Variants in UNC5D observed in about 807,000 individuals in gnomAD.
The protein encoded by UNC5D is netrin receptor UNC5D.
A neutral mutation model predicts 105.4 loss-of-function variants in UNC5D; 39 were observed. The observed-to-expected ratio is 0.37, with a 90% CI of 0.29 to 0.48. UNC5D has a LOEUF of 0.48. UNC5D is among the 20% of genes least tolerant of loss of function. The pLI, the probability that UNC5D is intolerant of heterozygous loss-of-function variation, is 0.98. For synonymous variants in UNC5D, 452 were observed against 450.4 expected (o/e 1.00, Z -0.04); for missense variants, 991 against 1,202.4 (o/e 0.82, Z 2.60).
At chr8:35,405,351 T>C (rs1001695164) in intron 1 of UNC5D, among the ~76,000 whole-genome samples, 1 of 152,224 alleles carries the variant, frequency 6.6e-6, no homozygotes, top group Non-Finnish European at 1.5e-5. Context: ...AATTAACATG[T>C]TGCATTTTTC....
Position 35,549,317 on chromosome 8 carries a change from C to G in UNC5D, c.129C>G (p.Pro43=), listed in dbSNP as rs1308108475. 5 of 1,613,162 alleles carry G rather than the reference C, an allele frequency of 3.1e-6. No individual in the cohort carries two copies. The highest frequency in any genetic ancestry group is 2.2e-5 in the South Asian group (2 of 91,046). The change falls in exon 2 of 17, where the codon CCC becomes CCG. Residue 43 remains proline (P), a synonymous_variant. Coordinates refer to ENST00000404895, the MANE Select transcript of UNC5D (RefSeq NM_080872.4). ...GAACTGACAATGGCGAAGCCCTTCCCGAATCCATCCCATCAGCTCCTGGGA... is the reference window on the plus strand; with the variant it reads ...GAACTGACAATGGCGAAGCCCTTCCGGAATCCATCCCATCAGCTCCTGGGA... ...ARGTDNGEAL[P]ESIPSAPGTL...
intron 16 of UNC5D, among the ~76,000 whole-genome samples, chr8:35,780,233 CA>C (rs1802441975): frequency 6.6e-6 from 1 of 152,194 alleles, no homozygotes; most frequent in Non-Finnish European, 1.5e-5. Flanking sequence ...GTTTCAAACA[CA>C]CTTCAGATTT....
At chr8:35,396,917 G>T (rs1265984897) in intron 1 of UNC5D, among the ~76,000 whole-genome samples, 2 of 150,078 alleles carry the variant, frequency 1.3e-5, no homozygotes, top group African/African-American at 2.5e-5. Context: ...TTTGTTTTTT[G>T]TTTTTTTGTT....
At chr8:35,326,114 A>C (rs944591428) in intron 1 of UNC5D, among the ~76,000 whole-genome samples, 1 of 152,228 alleles carries the variant, frequency 6.6e-6, no homozygotes, top group African/African-American at 2.4e-5. Flanking sequence ...TTCTCTTAAT[A>C]TAGATTAGCT....
At chr8:35,510,181 C>A (rs1318543851) in intron 1 of UNC5D, among the ~76,000 whole-genome samples, 1 of 151,964 alleles carries the variant, frequency 6.6e-6, no homozygotes, top group Non-Finnish European at 1.5e-5. Context: ...TCCCCCTTAC[C>A]TGGAGTTCAG....
At chr8:35,268,782 T>C (rs1805069753) in intron 1 of UNC5D, among the ~76,000 whole-genome samples, 1 of 152,168 alleles carries the variant, frequency 6.6e-6, no homozygotes, top group African/African-American at 2.4e-5. Context: ...ATACTGTTTA[T>C]CTCTGCCTTA....
chr8:35,676,776 A>T (rs918768436), intron 4 of UNC5D, among the ~76,000 whole-genome samples: 1 of 152,186 alleles, frequency 6.6e-6, no homozygotes, highest in Non-Finnish European at 1.5e-5. Context: ...TGATTTAGTG[A>T]AAGGAAATTA....
chr8:35,549,343 C>T lies in UNC5D; in HGVS notation c.155C>T (p.Thr52Ile). The T allele has an allele frequency of 1.9e-6, 3 of 1,613,548 alleles. No homozygotes were observed. Among genetic ancestry groups the T allele is most frequent in the Non-Finnish European group, 2.5e-6 (3 of 1,180,048 alleles). The change falls in exon 2 of 17, where the codon ACA (threonine) becomes ATA (isoleucine). Residue 52 changes from threonine (T) to isoleucine (I), a missense_variant. Physicochemically the swap from Thr to Ile is moderately conservative, Grantham distance 89. Coordinates refer to ENST00000404895, the MANE Select transcript of UNC5D (RefSeq NM_080872.4). ...GAATCCATCCCATCAGCTCCTGGGA[C>T]ACTGCCTCATTTCATAGAGGAGCCA... ...LPESIPSAPG[T>I]LPHFIEEPDD...
intron 1 of UNC5D, among the ~76,000 whole-genome samples, chr8:35,246,288 A>C (rs540116258): frequency 3.9e-5 from 6 of 152,140 alleles, no homozygotes; most frequent in Non-Finnish European, 8.8e-5. Context: ...TCAAACCTTC[A>C]GTAAAGGGAT....
Position 35,765,631 on chromosome 8 carries a change from T to C in UNC5D, c.2314-1271T>C, listed in dbSNP as rs1450550462. On this transcript the variant is annotated intron_variant, in intron 14 of 16. Coordinates refer to ENST00000404895, the MANE Select transcript of UNC5D (RefSeq NM_080872.4). ...AAATAAAAATCTGTGAGGCTTTCTATAGAGAAAATTAGGAAGCAAGGTATC... is the reference window on the plus strand; with the variant it reads ...AAATAAAAATCTGTGAGGCTTTCTACAGAGAAAATTAGGAAGCAAGGTATC... 3.9e-5 allele frequency among the ~76,000 whole-genome samples: 6 copies of C among 152,178 alleles called. 1 individual carries two copies. Among genetic ancestry groups the C allele is most frequent in the Admixed American group, 3.9e-4 (6 of 15,278 alleles).
chr8:35,660,815 T>C (rs777869752), intron 4 of UNC5D, among the ~76,000 whole-genome samples: 22 of 152,142 alleles, frequency 1.4e-4, no homozygotes, highest in Non-Finnish European at 2.5e-4. Context: ...TTCTAATTGC[T>C]CTTATTCCAT....
In UNC5D at chr8:35,706,888, A is replaced by G. The variant is rs184762467; in HGVS notation, c.1117+927A>G. Among the ~76,000 whole-genome samples the G allele has an allele frequency of 2.0e-3, 312 of 152,294 alleles. 1 individual carries two copies. The highest frequency in any genetic ancestry group is 7.1e-3 in the African/African-American group (294 of 41,576). On this transcript the variant is annotated intron_variant, in intron 8 of 16. Coordinates refer to ENST00000404895, the MANE Select transcript of UNC5D (RefSeq NM_080872.4). ...AATCTATGTGTTAATATGTTCCCCA[A>G]GTCATTCTCATACATCAGAAATATG... is the stretch of plus-strand genomic sequence containing the variant.
At chr8:35,461,326 T>C (rs1237039822) in intron 1 of UNC5D, among the ~76,000 whole-genome samples, 5 of 152,174 alleles carry the variant, frequency 3.3e-5, no homozygotes. Context: ...CTTTATATCT[T>C]ACGTGTCTAC....
intron 13 of UNC5D, among the ~76,000 whole-genome samples, chr8:35,753,089 A>C (rs557351726): frequency 6.6e-6 from 1 of 152,272 alleles, no homozygotes; most frequent in Admixed American, 6.5e-5. Flanking sequence ...ATATTCTACC[A>C]TGGCTCCACT....
chr8:35,372,433 G>A (rs774911691), intron 1 of UNC5D, among the ~76,000 whole-genome samples: 2 of 151,534 alleles, frequency 1.3e-5, no homozygotes, highest in Admixed American at 6.6e-5. Context: ...TCTAGTTTTT[G>A]ACTCTAATGT....
intron 1 of UNC5D, among the ~76,000 whole-genome samples, chr8:35,460,769 T>G (rs1808830419): frequency 1.3e-5 from 2 of 152,200 alleles, no homozygotes; most frequent in South Asian, 4.1e-4. Flanking sequence ...TTTGTTTGTT[T>G]TGTTTTTCTT....
chr8:35,774,530 T>C lies in UNC5D; in HGVS notation c.2657+53T>C. On this transcript the variant is annotated intron_variant, in intron 16 of 16. Coordinates refer to ENST00000404895, the MANE Select transcript of UNC5D (RefSeq NM_080872.4). Reference sequence around the variant, plus strand: ...ATGTTACTAAGAGAACTTGGAAACATAAAGTGGGCTAAGTGAAACCATGTA... The same window carrying C: ...ATGTTACTAAGAGAACTTGGAAACACAAAGTGGGCTAAGTGAAACCATGTA... 3 of 1,592,526 alleles carry C rather than the reference T, an allele frequency of 1.9e-6. No individual in the cohort carries two copies. The South Asian group carries it at 3.4e-5, about 18-fold the overall frequency.
intron 7 of UNC5D, among the ~76,000 whole-genome samples, chr8:35,696,108 A>C (rs2131396164): frequency 6.6e-6 from 1 of 152,210 alleles, no homozygotes; most frequent in East Asian, 1.9e-4. Flanking sequence ...AAATCCAACA[A>C]CATATGCATT....
At chr8:35,556,918 A>ACT (rs1816591992) in intron 2 of UNC5D, among the ~76,000 whole-genome samples, 3 of 152,168 alleles carry the variant, frequency 2.0e-5, no homozygotes, top group Non-Finnish European at 2.9e-5. Context: ...CTCTGGTTTG[A>ACT]ACACCTTTGA....
Sources: allele counts gnomAD v4.1 joint callset (sites outside exome capture counted in the v4.1 genomes callset), GRCh38; gene constraint gnomAD v4.1.1; transcripts MANE v1.5; gene names NCBI Gene and HGNC (gene_info 2026-07-23, HGNC 2026-07-21).